CLMP: variants seen among roughly 807,000 people sequenced by gnomAD.
CLMP encodes CXADR-like membrane protein.
In CLMP, 27 loss-of-function variants were observed where a neutral mutation model predicts 45.2. The ratio of observed to expected loss-of-function variants is 0.60; its 90% CI spans 0.44 to 0.82. The LOEUF is 0.82. CLMP is among the 40% of genes least tolerant of loss of function. The probability of loss-of-function intolerance (pLI) is 0.00; values close to 1 mark genes in which losing one functional copy is unlikely to be tolerated. For synonymous variants in CLMP, 167 were observed against 171.4 expected, an observed-to-expected ratio of 0.97 and a Z score of 0.20; for missense variants, 403 against 448.4, an observed-to-expected ratio of 0.90 and a Z score of 0.91.
chr11:123,167,143 T>C, intron 1 of CLMP, among the ~76,000 whole-genome samples: 1 of 152,198 alleles, frequency 6.6e-6, no homozygotes, highest in East Asian at 1.9e-4. Flanking sequence ...ATCAATAATC[T>C]TATAGATCAC....
intron 1 of CLMP, among the ~76,000 whole-genome samples, chr11:123,144,463 C>A (rs1861209708): frequency 6.6e-6 from 1 of 152,192 alleles, no homozygotes; most frequent in Non-Finnish European, 1.5e-5. Context: ...CCTCCGCCTC[C>A]TGGGTTCAAG....
Position 123,079,446 on chromosome 11 carries a change from TTTTTGTTTTG to T in CLMP, c.679+3629_679+3638del, listed in dbSNP as rs558983396. ...TTTTCCTGAAAACTGCCTGTTACTT[TTTTTGTTTTG>T]TTTTGTTTTGTTTTTGAGACGGAGT... On this transcript the variant is annotated intron_variant, in intron 5 of 6. Coordinates refer to ENST00000448775, the MANE Select transcript of CLMP (RefSeq NM_024769.5). Among the ~76,000 whole-genome samples, 34 of 152,256 alleles carry T rather than the reference TTTTTGTTTTG, an allele frequency of 2.2e-4. No homozygotes were observed. The South Asian group carries it at 6.6e-3, about 30-fold the overall frequency.
At chr11:123,106,439 G>A (rs1017985919) in intron 1 of CLMP, among the ~76,000 whole-genome samples, 12 of 138,486 alleles carry the variant, frequency 8.7e-5, no homozygotes, top group African/African-American at 2.2e-4. Flanking sequence ...GCGCGCGCGC[G>A]CACGTGCCTG....
intron 1 of CLMP, among the ~76,000 whole-genome samples, chr11:123,120,892 C>G (rs1296703974): frequency 1.3e-5 from 2 of 151,906 alleles, no homozygotes; most frequent in Non-Finnish European, 2.9e-5. Context: ...TTTGGGAGGC[C>G]GAGGTGGGAG....
intron 1 of CLMP, among the ~76,000 whole-genome samples, chr11:123,168,350 G>GC (rs896843434): frequency 4.6e-5 from 7 of 152,240 alleles, no homozygotes; most frequent in African/African-American, 7.2e-5. Flanking sequence ...TAGGGCAGCT[G>GC]CCCCCCCTGG....
intron 1 of CLMP, among the ~76,000 whole-genome samples, chr11:123,100,496 C>T (rs1031564004): frequency 2.5e-4 from 38 of 151,888 alleles, no homozygotes; most frequent in Non-Finnish European, 2.9e-5. Flanking sequence ...TGGGGGTGAG[C>T]TGGGGAGGGT....
At chr11:123,088,111 C>T (rs1189092186) in intron 2 of CLMP, among the ~76,000 whole-genome samples, 2 of 151,870 alleles carry the variant, frequency 1.3e-5, no homozygotes, top group Non-Finnish European at 2.9e-5. Flanking sequence ...GGTTTCTCCA[C>T]GTTGGTCAGG....
At position 123,073,368 on chromosome 11, in the gene CLMP, G is replaced by C. The variant is rs1865695927; in HGVS notation, c.*106C>G. ...TCCGTGCAATGCTCACTGCTACTTA[G>C]ATGACCTCTCATCTGGTTGTGTGGC... On this transcript the variant is annotated 3_prime_UTR_variant, in exon 7 of 7. Coordinates refer to ENST00000448775, the MANE Select transcript of CLMP (RefSeq NM_024769.5). 1 of 1,262,380 alleles carries C rather than the reference G, an allele frequency of 7.9e-7. No individual in the cohort carries two copies. The highest frequency in any genetic ancestry group is 2.3e-5 in the Admixed American group (1 of 43,862). The allele number at this position is 1,262,380 out of a possible 1,614,324, so 78.2% of individuals were successfully genotyped here.
intron 1 of CLMP, among the ~76,000 whole-genome samples, chr11:123,122,877 G>T (rs1046329799): frequency 7.3e-5 from 11 of 151,408 alleles, no homozygotes; most frequent in African/African-American, 2.7e-4. Flanking sequence ...AGCTATTTTG[G>T]TTCAGACTAA....
intron 1 of CLMP, among the ~76,000 whole-genome samples, chr11:123,123,710 GA>G (rs1860851732): frequency 6.6e-6 from 1 of 152,168 alleles, no homozygotes; most frequent in African/African-American, 2.4e-5. Context: ...GGATTTTGTG[GA>G]AAATGTGAGA....
intron 1 of CLMP, among the ~76,000 whole-genome samples, chr11:123,133,728 G>A (rs1861025283): frequency 6.6e-6 from 1 of 152,070 alleles, no homozygotes; most frequent in African/African-American, 2.4e-5. Flanking sequence ...AAGGTCATAA[G>A]CCCCTGATAT....
At chr11:123,107,897 T>C (rs1860582653) in intron 1 of CLMP, among the ~76,000 whole-genome samples, 1 of 152,140 alleles carries the variant, frequency 6.6e-6, no homozygotes, top group African/African-American at 2.4e-5. Flanking sequence ...ATAAGCATGT[T>C]ATTCCTCACA....
At chr11:123,137,151 T>C (rs1469032808) in intron 1 of CLMP, among the ~76,000 whole-genome samples, 3 of 78,354 alleles carry the variant, frequency 3.8e-5, no homozygotes. Context: ...CTTTTTCTTT[T>C]TTTTTTTTTT....
chr11:123,180,701 G>A (rs1454741089), intron 1 of CLMP, among the ~76,000 whole-genome samples: 1 of 152,164 alleles, frequency 6.6e-6, no homozygotes, highest in South Asian at 2.1e-4. Context: ...GGGCAGGGGT[G>A]AGAGAGGGTT....
At chr11:123,094,450 C>A (rs1865967976) in intron 2 of CLMP, among the ~76,000 whole-genome samples, 1 of 152,136 alleles carries the variant, frequency 6.6e-6, no homozygotes, top group Non-Finnish European at 1.5e-5. Context: ...AATTAGGTGA[C>A]CTTAGGCAAT....
chr11:123,075,964 G>A (rs947629914), intron 5 of CLMP, among the ~76,000 whole-genome samples: 4 of 152,152 alleles, frequency 2.6e-5, no homozygotes, highest in Non-Finnish European at 5.9e-5. Context: ...CTTGAGGTCA[G>A]GAGTTCGAGA....
At chr11:123,145,093 A>C (rs1861217733) in intron 1 of CLMP, among the ~76,000 whole-genome samples, 1 of 152,244 alleles carries the variant, frequency 6.6e-6, no homozygotes. Flanking sequence ...CATTGATTAT[A>C]TGTTGAAATA....
chr11:123,083,244 G>A, intron 4 of CLMP, 37 bp from the exon 5 acceptor site: 1 of 1,596,930 alleles, frequency 6.3e-7, no homozygotes, highest in Admixed American at 1.7e-5. Context: ...AATCCCTTTA[G>A]TGATGGTATC....
chr11:123,158,365 G>A (rs1440742311), intron 1 of CLMP, among the ~76,000 whole-genome samples: 1 of 152,182 alleles, frequency 6.6e-6, no homozygotes, highest in South Asian at 2.1e-4. Flanking sequence ...CCTGGAGAAG[G>A]CTGTTTAATG....
Sources: gnomAD v4.1 joint callset for allele counts (sites outside exome capture counted in the v4.1 genomes callset) on GRCh38, gnomAD v4.1.1 for gene constraint, MANE v1.5 for transcripts, NCBI Gene and HGNC (gene_info 2026-07-23, HGNC 2026-07-21) for gene names.